The following ENPP6 variants were observed in gnomAD, a reference collection of about 807,000 sequenced individuals.
ENPP6 encodes the protein glycerophosphocholine cholinephosphodiesterase ENPP6.
Under a neutral mutation model 42.0 loss-of-function variants are expected in ENPP6, and 32 were observed. The ratio of observed to expected loss-of-function variants is 0.76; its 90% CI spans 0.58 to 1.02. The LOEUF (loss-of-function observed/expected upper bound fraction) is 1.02, where lower values mean the gene tolerates loss of function less well. Among genes scored for constraint, ENPP6 ranks in the 50% least tolerant of loss-of-function variants. The pLI is 0.00. For synonymous variants in ENPP6, 213 were observed against 216.0 expected, an observed-to-expected ratio of 0.99 and a Z score of 0.12; for missense variants, 552 against 566.8, an observed-to-expected ratio of 0.97 and a Z score of 0.27.
intron 2 of ENPP6, among the ~76,000 whole-genome samples, chr4:184,129,293 C>G (rs1579623891): frequency 4.6e-5 from 1 of 21,688 alleles, no homozygotes; most frequent in Non-Finnish European, 1.4e-4. Flanking sequence ...CCCCAACATA[C>G]ACACACACAC....
chr4:184,113,919 CTT>C (rs1359456356), intron 5 of ENPP6, among the ~76,000 whole-genome samples: 18 of 131,962 alleles, frequency 1.4e-4, no homozygotes, highest in Admixed American at 1.3e-3. Context: ...TTCTTTCTTT[CTT>C]TCTTTCTTTC....
intron 1 of ENPP6, among the ~76,000 whole-genome samples, chr4:184,211,107 T>C (rs1733102260): frequency 1.3e-5 from 2 of 150,394 alleles, no homozygotes; most frequent in Admixed American, 1.3e-4. Flanking sequence ...GGGAAATTTA[T>C]AGCACTAAAT....
intron 6 of ENPP6, among the ~76,000 whole-genome samples, chr4:184,102,562 C>T (rs938695178): frequency 3.9e-5 from 6 of 152,214 alleles, no homozygotes; most frequent in African/African-American, 1.2e-4. Flanking sequence ...CAACAGCTGC[C>T]CAACATCCGG....
intron 3 of ENPP6, among the ~76,000 whole-genome samples, chr4:184,118,159 A>G (rs2111347536): frequency 6.6e-6 from 1 of 152,364 alleles, no homozygotes; most frequent in South Asian, 2.1e-4. Flanking sequence ...TGAAGCTTCC[A>G]TAAAATCTGT....
At chr4:184,114,647 A>G (rs1736284091) in intron 5 of ENPP6, among the ~76,000 whole-genome samples, 1 of 152,288 alleles carries the variant, frequency 6.6e-6, no homozygotes, top group East Asian at 1.9e-4. Flanking sequence ...GCTGCCTGCA[A>G]TGCCTGACTT....
intron 1 of ENPP6, among the ~76,000 whole-genome samples, chr4:184,176,254 G>A (rs917502217): frequency 1.5e-4 from 23 of 152,172 alleles, no homozygotes; most frequent in African/African-American, 4.3e-4. Context: ...TCCAAGCATC[G>A]TCTTCATCGT....
chr4:184,195,210 G>A (rs75955558), intron 1 of ENPP6, among the ~76,000 whole-genome samples: 2 of 151,912 alleles, frequency 1.3e-5, no homozygotes, highest in African/African-American at 2.4e-5. Flanking sequence ...TTTGTTGTAC[G>A]GATTATTTCA....
intron 5 of ENPP6, among the ~76,000 whole-genome samples, chr4:184,116,169 G>T (rs1362244708): frequency 6.6e-6 from 1 of 152,220 alleles, no homozygotes; most frequent in East Asian, 1.9e-4. Context: ...CTTGCAGTGA[G>T]CCGAGATAGC....
intron 1 of ENPP6, among the ~76,000 whole-genome samples, chr4:184,164,640 C>T (rs75118646): frequency 0.024 from 3,629 of 152,282 alleles, 62 homozygotes; most frequent in Middle Eastern, 0.054. Context: ...GACTTCTGAC[C>T]TCCGGAACTA....
At chr4:184,093,873 G>T (rs760308260) in intron 7 of ENPP6, among the ~76,000 whole-genome samples, 4 of 152,116 alleles carry the variant, frequency 2.6e-5, no homozygotes, top group Non-Finnish European at 5.9e-5. Context: ...CTTCTCATGT[G>T]ACCTGGATGT....
chr4:184,192,102 G>A (rs999520272), intron 1 of ENPP6, among the ~76,000 whole-genome samples: 3 of 152,118 alleles, frequency 2.0e-5, no homozygotes, highest in Admixed American at 6.5e-5. Context: ...AATTCCAGCT[G>A]GCTTTGGCAA....
intron 2 of ENPP6, among the ~76,000 whole-genome samples, chr4:184,146,640 A>G (rs1171212987): frequency 6.6e-6 from 1 of 152,216 alleles, no homozygotes; most frequent in Non-Finnish European, 1.5e-5. Flanking sequence ...AATGCTCACG[A>G]TGCCCACTCT....
chr4:184,119,298 T>A (rs1736375290), intron 3 of ENPP6, among the ~76,000 whole-genome samples: 1 of 150,884 alleles, frequency 6.6e-6, no homozygotes, highest in Non-Finnish European at 1.5e-5. Flanking sequence ...TCATTCTCCA[T>A]CCTTCTGTTT....
At chr4:184,188,749 T>G (rs1281863483) in intron 1 of ENPP6, among the ~76,000 whole-genome samples, 1 of 152,122 alleles carries the variant, frequency 6.6e-6, no homozygotes, top group Non-Finnish European at 1.5e-5. Context: ...GGAGGCTTCA[T>G]TCAAGATAAA....
intron 1 of ENPP6, among the ~76,000 whole-genome samples, chr4:184,211,594 C>A (rs1298174114): frequency 6.6e-6 from 1 of 152,172 alleles, no homozygotes; most frequent in African/African-American, 2.4e-5. Flanking sequence ...TGGCAATAAT[C>A]AATAGCTTAC....
At chr4:184,210,102 G>A (rs1733083539) in intron 1 of ENPP6, among the ~76,000 whole-genome samples, 2 of 151,588 alleles carry the variant, frequency 1.3e-5, no homozygotes, top group South Asian at 4.2e-4. Context: ...AACAGGGAAA[G>A]GAACAACCGG....
At chr4:184,120,727 T>A (rs1258883397) in intron 3 of ENPP6, among the ~76,000 whole-genome samples, 6 of 152,148 alleles carry the variant, frequency 3.9e-5, no homozygotes, top group Non-Finnish European at 8.8e-5. Context: ...TGCCCATGTG[T>A]GGTGGGAGGC....
intron 1 of ENPP6, among the ~76,000 whole-genome samples, chr4:184,175,335 T>A (rs943990774): frequency 2.0e-5 from 3 of 152,142 alleles, no homozygotes; most frequent in Non-Finnish European, 4.4e-5. Flanking sequence ...ATCACATGAT[T>A]TTTTCCCTCT....
intron 3 of ENPP6, among the ~76,000 whole-genome samples, chr4:184,121,449 T>C (rs1351643155): frequency 6.6e-6 from 1 of 152,186 alleles, no homozygotes; most frequent in Non-Finnish European, 1.5e-5. Context: ...CCTCTCAAGT[T>C]AATAGCAAAG....
Sources: gnomAD v4.1 joint callset for allele counts (sites outside exome capture counted in the v4.1 genomes callset) on GRCh38, gnomAD v4.1.1 for gene constraint, MANE v1.5 for transcripts, NCBI Gene and HGNC (gene_info 2026-07-23, HGNC 2026-07-21) for gene names.